The following OCM variants were observed in gnomAD, a reference collection of about 807,000 sequenced individuals.
OCM encodes the protein oncomodulin.
OCM carries 18 observed loss-of-function variants against 14.1 expected under a neutral mutation model. The ratio of observed to expected loss-of-function variants is 1.28; its 90% confidence interval spans 0.88 to 1.89. OCM has a LOEUF of 1.89. Ranked by LOEUF, OCM falls within the 40% of genes most tolerant of loss-of-function variation. The probability of loss-of-function intolerance (pLI) is 0.00; values close to 1 mark genes in which losing one functional copy is unlikely to be tolerated. For missense variants in OCM, 140 were observed against 137.6 expected, an observed-to-expected ratio of 1.02 and a Z score of -0.09; for synonymous variants, 48 against 51.0, an observed-to-expected ratio of 0.94 and a Z score of 0.25.
At chr7:5,877,126 C>T (rs569109986), upstream of OCM, among the ~76,000 whole-genome samples, 1 of 152,132 alleles carries the variant, frequency 6.6e-6, no homozygotes, top group East Asian at 1.9e-4. Context: ...ACTTCTAAGC[C>T]ACTGTATGTT....
chr7:5,876,805 CTTTT>C (rs111241085), upstream of OCM, among the ~76,000 whole-genome samples: 22 of 140,350 alleles, frequency 1.6e-4, 1 homozygote, highest in East Asian at 4.6e-3. Flanking sequence ...TTGTCTACTT[CTTTT>C]TTTTTTTTTT....
the OCM span, among the ~76,000 whole-genome samples, chr7:5,863,858 G>A: frequency 6.6e-6 from 1 of 152,054 alleles, no homozygotes; most frequent in African/African-American, 2.4e-5. Context: ...AGCTAAGGCA[G>A]GAAGGCAGAG....
At chr7:5,868,849 G>A in the OCM span, among the ~76,000 whole-genome samples, 3 of 151,962 alleles carry the variant, frequency 2.0e-5, no homozygotes, top group Admixed American at 2.0e-4. Flanking sequence ...GATCACCTGA[G>A]GTCAGGAGTT....
the OCM span, among the ~76,000 whole-genome samples, chr7:5,860,296 G>A: frequency 1.3e-4 from 20 of 150,080 alleles, no homozygotes; most frequent in African/African-American, 4.9e-4. Flanking sequence ...TTTCTTTTCT[G>A]CTATAGCATT....
chr7:5,864,832 A>C, the OCM span, among the ~76,000 whole-genome samples: 1 of 151,836 alleles, frequency 6.6e-6, no homozygotes, highest in Non-Finnish European at 1.5e-5. Flanking sequence ...CAGCTACTTG[A>C]GAAACTGAGG....
upstream of OCM, among the ~76,000 whole-genome samples, chr7:5,880,328 A>ATT (rs113866827): frequency 1.5e-4 from 23 of 149,886 alleles, no homozygotes; most frequent in Admixed American, 4.0e-4. Flanking sequence ...TCTTTGGGTC[A>ATT]TTTTTTTTTT....
chr7:5,876,685 C>T (rs748804785), upstream of OCM, among the ~76,000 whole-genome samples: 10 of 152,020 alleles, frequency 6.6e-5, no homozygotes, highest in South Asian at 2.1e-4. Context: ...TGTTCACTGA[C>T]GACACTAGGG....
At chr7:5,870,136 A>C in the OCM span, among the ~76,000 whole-genome samples, 1 of 151,834 alleles carries the variant, frequency 6.6e-6, no homozygotes, top group African/African-American at 2.4e-5. Context: ...TAAATAATAA[A>C]AGCTCTGTCA....
At chr7:5,877,145 C>G (rs548332756), upstream of OCM, among the ~76,000 whole-genome samples, 5 of 152,064 alleles carry the variant, frequency 3.3e-5, no homozygotes, top group African/African-American at 1.2e-4. Context: ...TTTCTGATTG[C>G]AAGGTGGGAT....
At chr7:5,863,768 A>C in the OCM span, among the ~76,000 whole-genome samples, 142 of 152,120 alleles carry the variant, frequency 9.3e-4, no homozygotes, top group African/African-American at 3.2e-3. Context: ...TCCTGACCTC[A>C]TGATCTGCCT....
At chr7:5,882,840 C>CTTTTTTTT in intron 2 of OCM, among the ~76,000 whole-genome samples, 1 of 119,510 alleles carries the variant, frequency 8.4e-6, no homozygotes, top group Non-Finnish European at 1.7e-5. Context: ...TGCAAAGATT[C>CTTTTTTTT]TTTTTTTTTT....
At chr7:5,870,614 C>A in the OCM span, among the ~76,000 whole-genome samples, 1 of 152,320 alleles carries the variant, frequency 6.6e-6, no homozygotes, top group Middle Eastern at 3.4e-3. Context: ...GCCATCTAAT[C>A]TCTGAAATGT....
chr7:5,864,695 C>G, the OCM span, among the ~76,000 whole-genome samples: 1 of 152,122 alleles, frequency 6.6e-6, no homozygotes, highest in Non-Finnish European at 1.5e-5. Context: ...TGGCTCACAC[C>G]TGTAATCCCA....
chr7:5,885,930 C>G, intron 3 of OCM, 134 bp from the exon 4 acceptor site: 1 of 716,866 alleles, frequency 1.4e-6, no homozygotes, highest in Non-Finnish European at 2.4e-6. Context: ...CTTTTGTGCC[C>G]TCCAAGGGGG....
chr7:5,876,608 T>C (rs1781100046), upstream of OCM, among the ~76,000 whole-genome samples: 1 of 152,180 alleles, frequency 6.6e-6, no homozygotes, highest in Admixed American at 6.5e-5. Context: ...AAAATGTGGA[T>C]GAGAGGTAGG....
At chr7:5,860,516 G>A in the OCM span, among the ~76,000 whole-genome samples, 1,929 of 115,934 alleles carry the variant, frequency 0.017, 260 homozygotes, top group Non-Finnish European at 0.025. Flanking sequence ...ATATATACGT[G>A]TATATATACG....
At chr7:5,878,187 A>C (rs1781134072), upstream of OCM, among the ~76,000 whole-genome samples, 1 of 150,656 alleles carries the variant, frequency 6.6e-6, no homozygotes, top group African/African-American at 2.4e-5. Context: ...CTGGTCTCGA[A>C]CTCCTGACCT....
the OCM span, among the ~76,000 whole-genome samples, chr7:5,866,602 T>C: frequency 6.6e-6 from 1 of 152,120 alleles, no homozygotes; most frequent in Non-Finnish European, 1.5e-5. Flanking sequence ...AAACCAAATG[T>C]GTTGTTTGAT....
At chr7:5,870,419 G>A in the OCM span, among the ~76,000 whole-genome samples, 1 of 152,302 alleles carries the variant, frequency 6.6e-6, no homozygotes, top group Middle Eastern at 3.4e-3. Flanking sequence ...AGCCTTTGCA[G>A]AATTCTTTAT....
Sources: gnomAD v4.1 joint callset for allele counts (sites outside exome capture counted in the v4.1 genomes callset) on GRCh38, gnomAD v4.1.1 for gene constraint, MANE v1.5 for transcripts, NCBI Gene and HGNC (gene_info 2026-07-23, HGNC 2026-07-21) for gene names.